The following FAM171A2 variants were observed in gnomAD, a reference collection of about 807,000 sequenced individuals.
FAM171A2 encodes the protein family with sequence similarity 171 member A2, also known as protein FAM171A2.
Under a neutral mutation model 34.2 loss-of-function variants are expected in FAM171A2, and 13 were observed. The ratio of observed to expected loss-of-function variants is 0.38; its 90% CI spans 0.25 to 0.60. FAM171A2 has a LOEUF of 0.60. Among genes scored for constraint, FAM171A2 ranks in the 20% least tolerant of loss-of-function variants. The pLI is 0.62. For synonymous variants in FAM171A2, 475 were observed against 561.2 expected (o/e 0.85, Z 2.17); for missense variants, 950 against 1,180.7 (o/e 0.80, Z 2.86).
intron 1 of FAM171A2, among the ~76,000 whole-genome samples, chr17:44,363,091 A>G (rs1283014036): frequency 6.6e-6 from 1 of 151,830 alleles, no homozygotes; most frequent in Non-Finnish European, 1.5e-5. Flanking sequence ...AATCCCGCCC[A>G]CAGCCTCACC....
intron 1 of FAM171A2, among the ~76,000 whole-genome samples, chr17:44,362,258 G>A (rs944126840): frequency 2.6e-5 from 4 of 152,174 alleles, no homozygotes; most frequent in African/African-American, 4.8e-5. Flanking sequence ...GGGGAGGGGC[G>A]TCCTAAGAAA....
intron 3 of FAM171A2, among the ~76,000 whole-genome samples, chr17:44,357,277 G>C (rs893936371): frequency 6.6e-5 from 10 of 151,708 alleles, no homozygotes; most frequent in Non-Finnish European, 1.2e-4. Flanking sequence ...AAACTGGGAG[G>C]GGGAGGTTGC....
At chr17:44,359,775 C>G in intron 2 of FAM171A2, 104 bp from the exon 3 acceptor site, 1 of 1,340,096 alleles carries the variant, frequency 7.5e-7, no homozygotes, top group Non-Finnish European at 1.0e-6. Flanking sequence ...CCCTCAGCCC[C>G]CTCTGTGTAC....
chr17:44,363,518 G>A, intron 1 of FAM171A2, 79 bp downstream of exon 1: 1 of 608,840 alleles, frequency 1.6e-6, no homozygotes, highest in Non-Finnish European at 2.4e-6. Context: ...CACGAACGCC[G>A]CGAAGAGGGG....
In FAM171A2 at chr17:44,363,689, A is replaced by C; in HGVS notation, c.26T>G (p.Val9Gly). 8.2e-7 allele frequency: 1 copy of C among 1,221,330 alleles called. No homozygotes were observed. The highest frequency in any genetic ancestry group is 1.0e-6 in the Non-Finnish European group (1 of 981,034). 75.7% of individuals were successfully genotyped at this position (1,221,330 alleles called of 1,614,324 possible). Reference protein sequence around the residue: MPPASGPSVLARLLPLLGL... With the variant: MPPASGPSGLARLLPLLGL... The stretch of plus-strand genomic sequence containing the variant: ...CAGCAGCGGCAACAGCCGCGCGAGG[A>C]CGCTGGGGCCACTCGCCGGCGGCAT... The change falls in exon 1 of 8, where the codon GTC becomes GGC. Residue 9 changes from valine (V) to glycine (G), a missense_variant. This residue lies in a region of FAM171A2 where 752 missense variants were observed against 924.5 expected (regional missense o/e 0.81). Coordinates refer to ENST00000293443, the MANE Select transcript of FAM171A2 (RefSeq NM_198475.3).
chr17:44,362,102 G>T (rs2048450265), intron 1 of FAM171A2, among the ~76,000 whole-genome samples: 1 of 151,870 alleles, frequency 6.6e-6, no homozygotes, highest in Non-Finnish European at 1.5e-5. Flanking sequence ...GCGGGTGGGG[G>T]AGAAGGGAGG....
At chr17:44,362,919 G>T (rs1186339594) in intron 1 of FAM171A2, among the ~76,000 whole-genome samples, 7 of 152,188 alleles carry the variant, frequency 4.6e-5, no homozygotes, top group African/African-American at 1.7e-4. Context: ...TGCTCCCTCA[G>T]CTGGGAATCA....
chr17:44,362,175 C>T (rs1393301894), intron 1 of FAM171A2, among the ~76,000 whole-genome samples: 1 of 152,080 alleles, frequency 6.6e-6, no homozygotes, highest in African/African-American at 2.4e-5. Context: ...GCCAGCTGCC[C>T]CAGAGAACCC....
Position 44,363,680 on chromosome 17 carries a change from C to T in FAM171A2, c.35G>A (p.Arg12Gln). Residue 12 changes from arginine to glutamine, a missense_variant, in exon 1 of 8, where the codon CGG (arginine) becomes CAG (glutamine). Physicochemically the swap from Arg to Gln is conservative, Grantham distance 43. Coordinates refer to ENST00000293443, the MANE Select transcript of FAM171A2 (RefSeq NM_198475.3). ...CAGCAGCCCCAGCAGCGGCAACAGC[C>T]GCGCGAGGACGCTGGGGCCACTCGC... Reference protein sequence around the residue: ...PPASGPSVLARLLPLLGLLLG... With the variant: ...PPASGPSVLAQLLPLLGLLLG... 1 of 1,223,670 alleles carries T rather than the reference C, an allele frequency of 8.2e-7. No individual in the cohort carries two copies. Among genetic ancestry groups the T allele is most frequent in the Non-Finnish European group, 1.0e-6 (1 of 982,374 alleles). 75.8% of individuals were successfully genotyped at this position (1,223,670 alleles called of 1,614,324 possible). A position where few individuals can be genotyped will look rare whatever the true frequency, so the allele number is the denominator to read the frequency against.
rs116854865 is a variant in FAM171A2, at chr17:44,356,506, C to T, written c.522G>A (p.Ala174=). 8.6e-3 allele frequency: 13,317 copies of T among 1,550,658 alleles called. 91 individuals carry two copies. Among genetic ancestry groups the T allele is most frequent in the South Asian group, 0.016 (1,321 of 84,032 alleles). The stretch of plus-strand genomic sequence containing the variant: ...GCTGGGTGCTGGCAGGCGTAAGTGA[C>T]GCCCAGAGCTGGCTGTAGGTGGAGC... ...PVSSTYSQLW[A]SLTPASTQQE... is the part of the protein sequence containing the mutation. The change falls in exon 4 of 8, where the codon GCG becomes GCA. Residue 174 remains alanine, a synonymous_variant. Transcript: ENST00000293443.
At position 44,356,531 on chromosome 17, in the gene FAM171A2, C is replaced by A. The variant is rs2048424832; in HGVS notation, c.497G>T (p.Ser166Ile). Residue 166 changes from serine (S) to isoleucine (I), a missense_variant, in exon 4 of 8, where the codon AGC (serine) becomes ATC (isoleucine). Physicochemically the swap from Ser to Ile is moderately radical, Grantham distance 142 (BLOSUM62 -2). Around this residue, in one of 3 missense-constraint regions of FAM171A2, gnomAD observed 752 missense variants for 924.5 expected, o/e 0.81. Coordinates refer to ENST00000293443, the MANE Select transcript of FAM171A2 (RefSeq NM_198475.3). ...CGCCCAGAGCTGGCTGTAGGTGGAG[C>A]TGACAGGCAGGCGGGCAGCCCGGCG... ...FQRRAARLPV[S>I]STYSQLWASL... 1 of 1,550,016 alleles carries A rather than the reference C, an allele frequency of 6.5e-7. No individual in the cohort carries two copies.
rs2048418984 is a variant in FAM171A2, at chr17:44,355,597, G to A, written c.1022+118C>T. 1.4e-6 allele frequency: 2 copies of A among 1,394,926 alleles called. No homozygotes were observed. Among genetic ancestry groups the A allele is most frequent in the Non-Finnish European group, 1.9e-6 (2 of 1,031,442 alleles). 86.4% of individuals were successfully genotyped at this position (1,394,926 alleles called of 1,614,324 possible). A position where few individuals can be genotyped will look rare whatever the true frequency, so the allele number is the denominator to read the frequency against. Reference sequence around the variant, plus strand: ...GCACCAGCCCTTCAGGTCTTAGCATGTTTGCAGGAAGTCTTTTCCTGTCTG... The same window carrying A: ...GCACCAGCCCTTCAGGTCTTAGCATATTTGCAGGAAGTCTTTTCCTGTCTG... On this transcript the variant is annotated intron_variant, in intron 7 of 7. Transcript: ENST00000293443. The surrounding 1 kb of genome is among the most constrained non-coding windows in gnomAD (Gnocchi z 4.1).
chr17:44,360,913 C>G (rs926078037), intron 1 of FAM171A2, among the ~76,000 whole-genome samples: 1 of 152,244 alleles, frequency 6.6e-6, no homozygotes, highest in Non-Finnish European at 1.5e-5. Context: ...CCTCCTCCCC[C>G]TCACATGAAC....
At chr17:44,360,191 G>T in intron 1 of FAM171A2, 59 bp from the exon 2 acceptor site, 1 of 1,389,766 alleles carries the variant, frequency 7.2e-7, no homozygotes. Flanking sequence ...AGAACTGGGG[G>T]GAGCCCCAAG....
chr17:44,356,172 C>G lies in FAM171A2; in HGVS notation c.778+1G>C, dbSNP rs1162274128. Reference sequence around the variant, plus strand: ...CACCTGCAGCCCCCTGAGGCACTTACCACTCTTGGGGTCAAATCTCCAGGC... The same window carrying G: ...CACCTGCAGCCCCCTGAGGCACTTAGCACTCTTGGGGTCAAATCTCCAGGC... On this transcript the variant is annotated splice_donor_variant, in intron 5 of 7. Coordinates refer to ENST00000293443, the MANE Select transcript of FAM171A2 (RefSeq NM_198475.3). LOFTEE classifies it high-confidence loss of function. The G allele has an allele frequency of 6.5e-7, 1 of 1,543,494 alleles. No homozygotes were observed. Among genetic ancestry groups the G allele is most frequent in the Non-Finnish European group, 8.8e-7 (1 of 1,141,146 alleles).
At chr17:44,357,334 C>T (rs1200532349) in intron 3 of FAM171A2, among the ~76,000 whole-genome samples, 4 of 130,942 alleles carry the variant, frequency 3.1e-5, no homozygotes, top group African/African-American at 6.0e-5. Flanking sequence ...GCATCAAGAG[C>T]GAAACTCCAT....
chr17:44,357,984 G>A (rs897442214), intron 3 of FAM171A2, among the ~76,000 whole-genome samples: 3 of 152,138 alleles, frequency 2.0e-5, no homozygotes, highest in Admixed American at 2.0e-4. Context: ...CACAATCCTC[G>A]AGCCCGGATA....
Position 44,359,663 on chromosome 17 carries a change from A to G in FAM171A2, c.355T>C (p.Ser119Pro). Residue 119 changes from serine (S) to proline (P), a missense_variant, in exon 3 of 8, where the codon TCT becomes CCT. Physicochemically the swap from Ser to Pro is moderately conservative, Grantham distance 74. Around this residue, in one of 3 missense-constraint regions of FAM171A2, gnomAD observed 752 missense variants for 924.5 expected, o/e 0.81. Coordinates refer to ENST00000293443, the MANE Select transcript of FAM171A2 (RefSeq NM_198475.3). Reference protein sequence around the residue: ...WRVDKLPLYASVSLYLLPERP... With the variant: ...WRVDKLPLYAPVSLYLLPERP... Reference sequence around the variant, plus strand: ...TCAGGGAGCAGGTAGAGGCTGACAGACGCATACACTGCGGGAGGGATGGCC... The same window carrying G: ...TCAGGGAGCAGGTAGAGGCTGACAGGCGCATACACTGCGGGAGGGATGGCC... 6.4e-7 allele frequency: 1 copy of G among 1,550,634 alleles called. No individual in the cohort carries two copies. The highest frequency in any genetic ancestry group is 8.7e-7 in the Non-Finnish European group (1 of 1,146,892).
Position 44,355,977 on chromosome 17 carries a change from G to A in FAM171A2, c.876C>T (p.Ala292=). 4 of 1,543,498 alleles carry A rather than the reference G, an allele frequency of 2.6e-6. No individual in the cohort carries two copies. In the South Asian group the frequency reaches 4.8e-5, roughly 19 times the overall value. Residue 292 remains alanine, a synonymous_variant, in exon 6 of 8, where the codon GCC becomes GCT. Coordinates refer to ENST00000293443, the MANE Select transcript of FAM171A2 (RefSeq NM_198475.3). This position sits in a 1 kb window ranked among gnomAD's most constrained non-coding sequence, Gnocchi z 4.1. ...VSPQLGYWVA[A]MASPTAGLVT... is the part of the protein sequence containing the mutation. Reference sequence around the variant, plus strand: ...TCTTACCAGCCGTGGGGGAGGCCATGGCGGCCACCCAGTACCCCAGCTGGG... The same window carrying A: ...TCTTACCAGCCGTGGGGGAGGCCATAGCGGCCACCCAGTACCCCAGCTGGG...
Sources: gnomAD v4.1 joint callset for allele counts (sites outside exome capture counted in the v4.1 genomes callset) on GRCh38, gnomAD v4.1.1 for gene constraint, gnomAD v4.1.1 regional missense constraint, Gnocchi (gnomAD v3.1) non-coding constraint, MANE v1.5 for transcripts, NCBI Gene and HGNC (gene_info 2026-07-23, HGNC 2026-07-21) for gene names.